CRYZ: variants seen among roughly 807,000 people sequenced by gnomAD.
The protein encoded by CRYZ is zeta-crystallin.
Under a neutral mutation model 34.1 loss-of-function variants are expected in CRYZ, and 35 were observed. The ratio of observed to expected loss-of-function variants is 1.03; its 90% CI spans 0.78 to 1.36. The LOEUF (loss-of-function observed/expected upper bound fraction) is 1.36, where lower values mean the gene tolerates loss of function less well. CRYZ is among the 40% of genes most tolerant of loss of function. The pLI is 0.00. For missense variants in CRYZ, 403 were observed against 391.8 expected, an observed-to-expected ratio of 1.03 and a Z score of -0.24; for synonymous variants, 137 against 136.5, an observed-to-expected ratio of 1.00 and a Z score of -0.03.
intron 6 of CRYZ, 23 bp downstream of exon 6, chr1:74,710,075 T>C: frequency 6.2e-7 from 1 of 1,605,984 alleles, no homozygotes. Flanking sequence ...GTTTGACTTT[T>C]GTAAAACAGT....
At chr1:74,713,029 C>A (rs13375787) in intron 5 of CRYZ, among the ~76,000 whole-genome samples, 1 of 151,820 alleles carries the variant, frequency 6.6e-6, no homozygotes, top group South Asian at 2.1e-4. Context: ...CAAAGGAATT[C>A]GAATTAAATG....
intron 1 of CRYZ, among the ~76,000 whole-genome samples, chr1:74,725,562 CAAGAT>C (rs1488726755): frequency 6.7e-6 from 1 of 149,366 alleles, no homozygotes; most frequent in Non-Finnish European, 1.5e-5. Context: ...AGCTACAATT[CAAGAT>C]GAGATTTGGG....
intron 8 of CRYZ, among the ~76,000 whole-genome samples, chr1:74,706,676 T>C (rs192621577): frequency 2.6e-5 from 4 of 152,176 alleles, no homozygotes; most frequent in Admixed American, 2.6e-4. Flanking sequence ...AAAATACCTG[T>C]TGTCCTGAAA....
At chr1:74,726,246 G>A (rs1647333086) in intron 1 of CRYZ, among the ~76,000 whole-genome samples, 1 of 152,186 alleles carries the variant, frequency 6.6e-6, no homozygotes, top group Admixed American at 6.5e-5. Context: ...TTCTCCATGA[G>A]GGCTCCATCC....
At chr1:74,713,990 CTTATT>C (rs1449446210) in intron 5 of CRYZ, among the ~76,000 whole-genome samples, 2 of 152,036 alleles carry the variant, frequency 1.3e-5, no homozygotes, top group Non-Finnish European at 2.9e-5. Context: ...CATTGAAGGG[CTTATT>C]TTAAGTTCTG....
chr1:74,730,222 C>G (rs1557736309), intron 1 of CRYZ, among the ~76,000 whole-genome samples: 1 of 152,126 alleles, frequency 6.6e-6, no homozygotes, highest in South Asian at 2.1e-4. Context: ...CTGCTTTGCC[C>G]AGTACTATCT....
intron 5 of CRYZ, among the ~76,000 whole-genome samples, chr1:74,712,175 A>G (rs1009521322): frequency 9.2e-5 from 14 of 152,370 alleles, no homozygotes; most frequent in African/African-American, 2.2e-4. Flanking sequence ...TAGGAAATAT[A>G]TCTGATTAGA....
At chr1:74,730,639 AT>A (rs1194120661) in intron 1 of CRYZ, among the ~76,000 whole-genome samples, 1 of 152,222 alleles carries the variant, frequency 6.6e-6, no homozygotes, top group Admixed American at 6.5e-5. Context: ...ATGAGAAAAC[AT>A]CACAAGAGGT....
At chr1:74,714,539 AC>A in intron 5 of CRYZ, 39 bp downstream of exon 5, 2 of 1,588,256 alleles carry the variant, frequency 1.3e-6, no homozygotes, top group Non-Finnish European at 1.7e-6. Flanking sequence ...AAACCCATAA[AC>A]CCAAGCTTGT....
intron 1 of CRYZ, among the ~76,000 whole-genome samples, chr1:74,727,826 C>T (rs1239977955): frequency 6.6e-6 from 1 of 152,014 alleles, no homozygotes; most frequent in Non-Finnish European, 1.5e-5. Flanking sequence ...AATGATATTA[C>T]CCAGCTTTAA....
intron 1 of CRYZ, among the ~76,000 whole-genome samples, chr1:74,730,722 A>AT (rs1647671514): frequency 1.3e-5 from 2 of 152,298 alleles, no homozygotes; most frequent in East Asian, 1.9e-4. Context: ...GTGTTAGCTG[A>AT]TTTTTTTCTT....
chr1:74,722,344 A>G (rs1487264231), intron 3 of CRYZ, among the ~76,000 whole-genome samples: 1 of 152,172 alleles, frequency 6.6e-6, no homozygotes, highest in East Asian at 1.9e-4. Flanking sequence ...GGGCCCATTA[A>G]CTTCAGCAAT....
At chr1:74,726,014 C>G (rs1647317353) in intron 1 of CRYZ, among the ~76,000 whole-genome samples, 2 of 152,216 alleles carry the variant, frequency 1.3e-5, no homozygotes. Context: ...GCCCCTGTGG[C>G]TTTGCAGGGT....
At chr1:74,714,079 G>A (rs914288409) in intron 5 of CRYZ, among the ~76,000 whole-genome samples, 7 of 151,812 alleles carry the variant, frequency 4.6e-5, no homozygotes, top group African/African-American at 9.7e-5. Flanking sequence ...GGCTGTATAC[G>A]TGCACTCCAT....
intron 3 of CRYZ, among the ~76,000 whole-genome samples, chr1:74,719,875 AC>A (rs1200091007): frequency 1.3e-5 from 2 of 152,100 alleles, no homozygotes; most frequent in African/African-American, 2.4e-5. Context: ...AAAACAGAAA[AC>A]ATATAAGAAA....
intron 6 of CRYZ, among the ~76,000 whole-genome samples, chr1:74,709,712 C>T (rs1014205662): frequency 2.0e-4 from 30 of 152,156 alleles, no homozygotes; most frequent in African/African-American, 7.0e-4. Flanking sequence ...CCACACAGAT[C>T]CAGTTTGTAA....
At chr1:74,706,482 T>C (rs1404943618) in intron 8 of CRYZ, 25 bp from the exon 9 acceptor site, 3 of 1,585,364 alleles carry the variant, frequency 1.9e-6, no homozygotes, top group Non-Finnish European at 2.6e-6. Context: ...AACAAATTTC[T>C]TTTTGTAGTG....
In CRYZ at chr1:74,705,701, A is replaced by G. The variant is rs1013570889; in HGVS notation, c.*595T>C. ...TATCAAAGATAAAGCTACTATTCTC[A>G]CAGAACATATGGGGTCATTGGCAGC... On this transcript the variant is annotated 3_prime_UTR_variant, in exon 9 of 9. Transcript: ENST00000340866. The G allele has an allele frequency of 6.6e-6, 1 of 152,174 alleles. No homozygotes were observed. The highest frequency in any genetic ancestry group is 1.5e-5 in the Non-Finnish European group (1 of 68,008). 9.4% of individuals were successfully genotyped at this position (152,174 alleles called of 1,614,324 possible).
At chr1:74,711,972 G>A (rs1647010113) in intron 5 of CRYZ, among the ~76,000 whole-genome samples, 2 of 152,106 alleles carry the variant, frequency 1.3e-5, no homozygotes, top group South Asian at 4.2e-4. Context: ...AGCACTTTGG[G>A]AGGCTGAGGT....
Sources: allele counts gnomAD v4.1 joint callset (sites outside exome capture counted in the v4.1 genomes callset), GRCh38; gene constraint gnomAD v4.1.1; transcripts MANE v1.5; gene names NCBI Gene and HGNC (gene_info 2026-07-23, HGNC 2026-07-21).